Variants in BRD10 observed in about 807,000 individuals in gnomAD.
BRD10 encodes the protein uncharacterized bromodomain-containing protein 10.
chr9:5,889,536 C>T, the BRD10 span, among the ~76,000 whole-genome samples: 14 of 152,268 alleles, frequency 9.2e-5, no homozygotes, highest in African/African-American at 3.1e-4. Context: ...CCTGTAATCC[C>T]AGCACTTTGG....
the BRD10 span, among the ~76,000 whole-genome samples, chr9:5,971,672 T>C: frequency 1.3e-5 from 2 of 152,220 alleles, no homozygotes; most frequent in Non-Finnish European, 2.9e-5. Flanking sequence ...CTAAAAAATA[T>C]TAAATATTCT....
At chr9:5,929,041 T>C in the BRD10 span, 1 of 1,471,350 alleles carries the variant, frequency 6.8e-7, no homozygotes, top group South Asian at 1.2e-5. Flanking sequence ...ACATTAAAAT[T>C]ACCTGTTTCT....
chr9:5,969,952 TG>T, the BRD10 span, among the ~76,000 whole-genome samples: 1 of 152,244 alleles, frequency 6.6e-6, no homozygotes. Context: ...GATGGAGGAT[TG>T]CTGACATAAT....
At chr9:5,970,677 A>C in the BRD10 span, among the ~76,000 whole-genome samples, 5 of 152,214 alleles carry the variant, frequency 3.3e-5, no homozygotes, top group African/African-American at 1.2e-4. Flanking sequence ...TTTGTAAATT[A>C]TGTACTTAAT....
At chr9:5,969,116 G>A in the BRD10 span, 23 of 1,613,710 alleles carry the variant, frequency 1.4e-5, no homozygotes, top group Middle Eastern at 1.6e-4. Flanking sequence ...CTGCCTCAGC[G>A]CTGCTTCCCA....
chr9:5,990,870 G>A, the BRD10 span, among the ~76,000 whole-genome samples: 5 of 152,098 alleles, frequency 3.3e-5, no homozygotes, highest in Non-Finnish European at 7.4e-5. Flanking sequence ...GACCCACCAT[G>A]CTTCTCGGAA....
At chr9:5,911,369 T>C in the BRD10 span, among the ~76,000 whole-genome samples, 119 of 151,576 alleles carry the variant, frequency 7.9e-4, no homozygotes, top group African/African-American at 2.8e-3. Flanking sequence ...TGGATTTGTT[T>C]CTGAGTTCTC....
chr9:5,925,461 G>T, the BRD10 span, among the ~76,000 whole-genome samples: 2 of 151,908 alleles, frequency 1.3e-5, no homozygotes, highest in Admixed American at 1.3e-4. Context: ...AAAGGTTGCT[G>T]TTAGACCAAT....
At chr9:5,975,106 A>G in the BRD10 span, among the ~76,000 whole-genome samples, 3 of 152,134 alleles carry the variant, frequency 2.0e-5, no homozygotes, top group Non-Finnish European at 2.9e-5. Flanking sequence ...GAGAAAAATC[A>G]ATCAAAACTG....
the BRD10 span, among the ~76,000 whole-genome samples, chr9:5,983,962 TACACAC>T: frequency 0.027 from 3,501 of 129,716 alleles, 50 homozygotes; most frequent in African/African-American, 0.045. Flanking sequence ...GTATATGCAT[TACACAC>T]ACACACACAC....
chr9:6,000,551 T>C, the BRD10 span, among the ~76,000 whole-genome samples: 128,865 of 152,156 alleles, frequency 0.85, 56,576 homozygotes, highest in Non-Finnish European at 0.99. Context: ...GGCACAAATA[T>C]AAGGAGAAAC....
the BRD10 span, among the ~76,000 whole-genome samples, chr9:5,970,957 C>A: frequency 7.0e-6 from 1 of 143,116 alleles, no homozygotes; most frequent in Non-Finnish European, 1.5e-5. Flanking sequence ...GAGGCTGAGG[C>A]AGGAGAATCG....
the BRD10 span, among the ~76,000 whole-genome samples, chr9:5,927,069 C>G: frequency 6.6e-6 from 1 of 152,068 alleles, no homozygotes; most frequent in African/African-American, 2.4e-5. Context: ...ATGAATTTCC[C>G]TTTCAATCTA....
the BRD10 span, among the ~76,000 whole-genome samples, chr9:5,926,618 G>A: frequency 4.0e-5 from 6 of 151,820 alleles, no homozygotes; most frequent in African/African-American, 1.2e-4. Flanking sequence ...TGCAAGCTCC[G>A]CCTCCTGGGT....
the BRD10 span, chr9:6,007,117 G>T: frequency 6.9e-7 from 1 of 1,452,612 alleles, no homozygotes; most frequent in Non-Finnish European, 9.5e-7. Flanking sequence ...CAGGCCCCTG[G>T]CCCAGCCCAT....
At chr9:5,905,885 G>A in the BRD10 span, among the ~76,000 whole-genome samples, 7 of 152,188 alleles carry the variant, frequency 4.6e-5, no homozygotes, top group South Asian at 2.1e-4. Context: ...CATTCATATC[G>A]GCACAGAATA....
chr9:5,920,651 G>A, the BRD10 span: 1 of 1,613,902 alleles, frequency 6.2e-7, no homozygotes, highest in East Asian at 2.2e-5. Flanking sequence ...TGAAGTCCGA[G>A]ATTGTCTTTT....
chr9:5,919,943 G>A, the BRD10 span: 1 of 1,614,010 alleles, frequency 6.2e-7, no homozygotes, highest in Non-Finnish European at 8.5e-7. Context: ...AGAAACCAAA[G>A]ATGTCTTAGC....
chr9:5,986,227 A>C, the BRD10 span, among the ~76,000 whole-genome samples: 1 of 152,170 alleles, frequency 6.6e-6, no homozygotes, highest in East Asian at 1.9e-4. Flanking sequence ...TGTGGTGTTT[A>C]GTTTTCTGTT....
Sources: allele counts gnomAD v4.1 joint callset (sites outside exome capture counted in the v4.1 genomes callset), GRCh38; gene constraint gnomAD v4.1.1; transcripts MANE v1.5; gene names NCBI Gene and HGNC (gene_info 2026-07-23, HGNC 2026-07-21).